The following ZFHX3 variants were observed in gnomAD, a reference collection of about 807,000 sequenced individuals.
ZFHX3 encodes zinc finger homeobox 3, also known as zinc finger homeobox protein 3.
ZFHX3 carries 42 observed loss-of-function variants against 279.1 expected under a neutral mutation model. The ratio of observed to expected loss-of-function variants is 0.15; its 90% CI spans 0.12 to 0.19. The LOEUF is 0.19. Among genes scored for constraint, ZFHX3 ranks in the 10% least tolerant of loss-of-function variants. ZFHX3 has a pLI of 1.00. For missense variants in ZFHX3, 4,981 were observed against 4,754.0 expected (o/e 1.05, Z -1.40); for synonymous variants, 2,293 against 1,957.8 (o/e 1.17, Z -4.52).
intron 3 of ZFHX3, among the ~76,000 whole-genome samples, chr16:72,917,195 C>T (rs1243404999): frequency 6.6e-6 from 1 of 152,322 alleles, no homozygotes; most frequent in East Asian, 1.9e-4. Context: ...GAGCCATGAT[C>T]ACACCACTGC....
At chr16:73,674,260 A>G (rs1330265569) in intron 2 of ZFHX3, among the ~76,000 whole-genome samples, 1 of 152,216 alleles carries the variant, frequency 6.6e-6, no homozygotes, top group Non-Finnish European at 1.5e-5. Context: ...GAATACAAAA[A>G]AGTAACAGAA....
At chr16:73,766,662 A>G (rs1264799332) in intron 1 of ZFHX3, among the ~76,000 whole-genome samples, 5 of 152,184 alleles carry the variant, frequency 3.3e-5, no homozygotes, top group South Asian at 4.1e-4. Flanking sequence ...CGAGAAATGC[A>G]TAAGAAGGTG....
chr16:73,800,212 T>G (rs1168986793), intron 1 of ZFHX3, among the ~76,000 whole-genome samples: 3 of 152,064 alleles, frequency 2.0e-5, no homozygotes, highest in Non-Finnish European at 4.4e-5. Flanking sequence ...GGCCCATAAA[T>G]TACTATTGTA....
intron 4 of ZFHX3, among the ~76,000 whole-genome samples, chr16:72,836,225 C>T (rs534814203): frequency 2.0e-5 from 3 of 152,278 alleles, no homozygotes; most frequent in South Asian, 2.1e-4. Context: ...CTGTGACTTT[C>T]GAGCAAGTGG....
At chr16:73,571,835 A>G (rs1366621494) in intron 2 of ZFHX3, among the ~76,000 whole-genome samples, 1 of 152,200 alleles carries the variant, frequency 6.6e-6, no homozygotes, top group Non-Finnish European at 1.5e-5. Context: ...TGAGTGTAGA[A>G]GGGCATTCCA....
chr16:73,464,034 C>A (rs1281664936), intron 2 of ZFHX3, among the ~76,000 whole-genome samples: 1 of 152,150 alleles, frequency 6.6e-6, no homozygotes, highest in African/African-American at 2.4e-5. Flanking sequence ...TAAGTGGATG[C>A]AAACCAGATC....
intron 1 of ZFHX3, among the ~76,000 whole-genome samples, chr16:73,688,764 G>A (rs928041421): frequency 1.3e-5 from 2 of 152,180 alleles, no homozygotes; most frequent in African/African-American, 2.4e-5. Context: ...TTGTGGGAGG[G>A]ACCAGGTGGG....
At chr16:72,850,437 C>A (rs892978801) in intron 4 of ZFHX3, among the ~76,000 whole-genome samples, 7 of 152,194 alleles carry the variant, frequency 4.6e-5, no homozygotes, top group Admixed American at 2.0e-4. Context: ...TTGAAATACA[C>A]ATAGTCAATC....
At chr16:73,629,098 GA>G (rs1214362156) in intron 2 of ZFHX3, among the ~76,000 whole-genome samples, 3 of 152,188 alleles carry the variant, frequency 2.0e-5, no homozygotes, top group African/African-American at 7.2e-5. Context: ...AGAGAGCAGT[GA>G]TGGAAACTAT....
intron 3 of ZFHX3, among the ~76,000 whole-genome samples, chr16:73,391,834 G>C (rs564715631): frequency 3.3e-5 from 5 of 152,116 alleles, no homozygotes; most frequent in Non-Finnish European, 7.4e-5. Flanking sequence ...TGGATACATT[G>C]AGAGATGATG....
At chr16:73,503,511 C>T (rs547374193) in intron 2 of ZFHX3, among the ~76,000 whole-genome samples, 105 of 152,346 alleles carry the variant, frequency 6.9e-4, no homozygotes, top group African/African-American at 2.4e-3. Flanking sequence ...CACCTACCCT[C>T]CTGGAGGAGA....
intron 1 of ZFHX3, among the ~76,000 whole-genome samples, chr16:73,682,888 AAG>A (rs1164488909): frequency 3.6e-5 from 1 of 27,528 alleles, no homozygotes; most frequent in Non-Finnish European, 7.3e-5. Flanking sequence ...GAAAGAAAGA[AAG>A]AAAGAAAGAA....
chr16:72,957,936 G>C lies in ZFHX3; in HGVS notation c.2210C>G (p.Thr737Ser). 1.9e-6 allele frequency: 3 copies of C among 1,614,174 alleles called. No homozygotes were observed. The highest frequency in any genetic ancestry group is 2.5e-6 in the Non-Finnish European group (3 of 1,180,038). Reference sequence around the variant, plus strand: ...CATATGAATACTGAGGTTGCCTTTGGTAGTTGTGGAGTAGTTACACACCTC... The same window carrying C: ...CATATGAATACTGAGGTTGCCTTTGCTAGTTGTGGAGTAGTTACACACCTC... ...RCEVCNYSTT[T>S]KGNLSIHMQS... Residue 737 changes from threonine (T) to serine (S), a missense_variant, in exon 2 of 10, where the codon ACC becomes AGC. Around this residue, in one of 7 missense-constraint regions of ZFHX3, gnomAD observed 39 missense variants for 68.2 expected, o/e 0.57. Transcript: ENST00000268489.
chr16:73,521,513 G>T (rs554218090), intron 2 of ZFHX3, among the ~76,000 whole-genome samples: 1 of 152,084 alleles, frequency 6.6e-6, no homozygotes, highest in Non-Finnish European at 1.5e-5. Context: ...AGGAGGTAGG[G>T]TGGTGATGTC....
rs770413212 is a variant in ZFHX3 at position 72,798,014 on chromosome 16, T to C, written c.4668A>G (p.Gln1556=). ...TGTAGTGTACTAGCAGGATATTCTT[T>C]TGAGTGAAAGATTCCTTGCAGACGG... The part of the protein sequence containing the change: ...KCTVCKESFT[Q]KNILLVHYNS... Residue 1556 remains glutamine, a synonymous_variant, in exon 9 of 10, where the codon CAA becomes CAG. Coordinates refer to ENST00000268489, the MANE Select transcript of ZFHX3 (RefSeq NM_006885.4). 1 of 1,614,220 alleles carries C rather than the reference T, an allele frequency of 6.2e-7. No individual in the cohort carries two copies. Among genetic ancestry groups the C allele is most frequent in the East Asian group, 2.2e-5 (1 of 44,884 alleles).
At chr16:73,872,656 T>A (rs1408674071) in intron 1 of ZFHX3, among the ~76,000 whole-genome samples, 1 of 147,892 alleles carries the variant, frequency 6.8e-6, no homozygotes. Flanking sequence ...TTTCATGGTA[T>A]GAAACTCTCT....
intron 4 of ZFHX3, among the ~76,000 whole-genome samples, chr16:73,283,578 C>T (rs2014512751): frequency 6.6e-6 from 1 of 152,158 alleles, no homozygotes; most frequent in African/African-American, 2.4e-5. Flanking sequence ...ATGAAAGTTC[C>T]CTAATGGAGT....
At chr16:73,588,863 A>G (rs1408296747) in intron 2 of ZFHX3, among the ~76,000 whole-genome samples, 1 of 152,126 alleles carries the variant, frequency 6.6e-6, no homozygotes, top group Non-Finnish European at 1.5e-5. Flanking sequence ...AAAGATTGAG[A>G]GAGAACATGG....
chr16:73,622,592 T>C (rs567113179), intron 2 of ZFHX3, among the ~76,000 whole-genome samples: 245 of 147,802 alleles, frequency 1.7e-3, no homozygotes, highest in Middle Eastern at 6.9e-3. Flanking sequence ...AAAGAAAGAA[T>C]TTGGAATTAT....
Sources: allele counts gnomAD v4.1 joint callset (sites outside exome capture counted in the v4.1 genomes callset), GRCh38; gene constraint gnomAD v4.1.1; regional missense constraint gnomAD v4.1.1; transcripts MANE v1.5; gene names NCBI Gene and HGNC (gene_info 2026-07-23, HGNC 2026-07-21).